Variants in FAM135A observed in about 807,000 individuals in gnomAD.
The protein encoded by FAM135A is protein FAM135A.
In FAM135A, 79 loss-of-function variants were observed where a neutral mutation model predicts 146.8. The observed-to-expected ratio is 0.54, with a 90% CI of 0.45 to 0.65. The LOEUF is 0.65. Among genes scored for constraint, FAM135A ranks in the 30% least tolerant of loss-of-function variants. The probability of loss-of-function intolerance (pLI) is 0.00; values close to 1 mark genes in which losing one functional copy is unlikely to be tolerated. For synonymous variants in FAM135A, 562 were observed against 603.6 expected (o/e 0.93, Z 1.01); for missense variants, 1,623 against 1,758.2 (o/e 0.92, Z 1.38).
intron 16 of FAM135A, among the ~76,000 whole-genome samples, chr6:70,531,360 C>CT (rs1282233175): frequency 6.6e-6 from 1 of 152,198 alleles, no homozygotes; most frequent in Non-Finnish European, 1.5e-5. Context: ...CAAGATGATA[C>CT]TGGTAAAGCC....
intron 10 of FAM135A, among the ~76,000 whole-genome samples, chr6:70,488,730 T>C (rs1215883606): frequency 1.3e-5 from 2 of 152,118 alleles, no homozygotes; most frequent in Admixed American, 1.3e-4. Context: ...TCATGACATA[T>C]TCATCTTTCT....
chr6:70,465,372 C>G (rs1355073360), intron 5 of FAM135A, among the ~76,000 whole-genome samples: 1 of 152,110 alleles, frequency 6.6e-6, no homozygotes, highest in African/African-American at 2.4e-5. Flanking sequence ...ATCAGTTCTT[C>G]TGGATAAATA....
At chr6:70,548,449 C>T (rs1392211897) in intron 20 of FAM135A, among the ~76,000 whole-genome samples, 1 of 152,082 alleles carries the variant, frequency 6.6e-6, no homozygotes, top group Non-Finnish European at 1.5e-5. Flanking sequence ...ATCATGGAAT[C>T]TGAGAGTGAA....
At chr6:70,449,672 C>G (rs952478598) in intron 4 of FAM135A, among the ~76,000 whole-genome samples, 1 of 152,026 alleles carries the variant, frequency 6.6e-6, no homozygotes, top group African/African-American at 2.4e-5. Flanking sequence ...TTGATAAACA[C>G]TAAGGTTGCT....
At chr6:70,483,303 A>G (rs151225976) in intron 10 of FAM135A, among the ~76,000 whole-genome samples, 1 of 152,330 alleles carries the variant, frequency 6.6e-6, no homozygotes, top group Non-Finnish European at 1.5e-5. Flanking sequence ...TTGACTGTTT[A>G]GAATTCTTGA....
rs1005804023 is a variant in FAM135A at position 70,453,433 on chromosome 6, C to CT, written c.157+865dup. On this transcript the variant is annotated intron_variant, in intron 5 of 21. Coordinates refer to ENST00000418814, the MANE Select transcript of FAM135A (RefSeq NM_001162529.3). ...TTTATTTTTATTTTTTATTATTATA[C>CT]TTTAAGTTCTAGGATACATGTGCAC... is the stretch of plus-strand genomic sequence containing the variant. Among the ~76,000 whole-genome samples the CT allele has an allele frequency of 2.8e-3, 433 of 152,014 alleles. 3 individuals carry two copies. Among genetic ancestry groups the CT allele is most frequent in the African/African-American group, 9.6e-3 (397 of 41,470 alleles).
chr6:70,547,783 T>C (rs898878535), intron 20 of FAM135A, among the ~76,000 whole-genome samples: 1 of 152,238 alleles, frequency 6.6e-6, no homozygotes, highest in African/African-American at 2.4e-5. Flanking sequence ...CATGTTATTA[T>C]ATAGTCCAGA....
intron 10 of FAM135A, among the ~76,000 whole-genome samples, chr6:70,490,028 G>A (rs1182493281): frequency 6.6e-6 from 1 of 152,104 alleles, no homozygotes; most frequent in African/African-American, 2.4e-5. Flanking sequence ...CAATTATACT[G>A]TGGTTGTGTT....
chr6:70,460,740 G>A (rs1442433297), intron 5 of FAM135A, among the ~76,000 whole-genome samples: 1 of 151,980 alleles, frequency 6.6e-6, no homozygotes, highest in East Asian at 1.9e-4. Flanking sequence ...CCAAGAGCAA[G>A]AAGGAAGAAT....
intron 21 of FAM135A, chr6:70,557,191 C>G (rs1284848906): frequency 7.3e-5 from 29 of 399,630 alleles, no homozygotes; most frequent in Non-Finnish European, 7.5e-5. Flanking sequence ...CGCTTTTACG[C>G]AAAGGTGGCA....
At chr6:70,457,673 A>G (rs1778626503) in intron 5 of FAM135A, among the ~76,000 whole-genome samples, 1 of 152,188 alleles carries the variant, frequency 6.6e-6, no homozygotes, top group Admixed American at 6.5e-5. Context: ...ACTATTCTTC[A>G]TCAACTAAAT....
At chr6:70,431,961 T>A (rs1391416730) in intron 4 of FAM135A, among the ~76,000 whole-genome samples, 1 of 152,072 alleles carries the variant, frequency 6.6e-6, no homozygotes, top group East Asian at 1.9e-4. Context: ...AATATCAACA[T>A]GTAAAATTGT....
rs1174927909 is a variant in FAM135A at position 70,516,530 on chromosome 6, CTTTTTTTTT to C, written c.1030-5968_1030-5960del. Among the ~76,000 whole-genome samples the C allele has an allele frequency of 1.6e-4, 14 of 84,942 alleles. No homozygotes were observed. In the South Asian group the frequency reaches 3.5e-3, roughly 21 times the overall value. 55.7% of individuals were successfully genotyped at this position (84,942 alleles called of 152,430 possible). A position where few individuals can be genotyped will look rare whatever the true frequency, so the allele number is the denominator to read the frequency against. On this transcript the variant is annotated intron_variant, in intron 12 of 21. Coordinates refer to ENST00000418814, the MANE Select transcript of FAM135A (RefSeq NM_001162529.3). ...ATATCATAAAATAGTATTTTCTTTT[CTTTTTTTTT>C]TTTTTTTTTTTTTTGAGACAGAGTC... is the stretch of plus-strand genomic sequence containing the variant.
At position 70,475,443 on chromosome 6, in the gene FAM135A, A is replaced by G; in HGVS notation, c.191A>G (p.Asp64Gly). The change falls in exon 6 of 22, where the codon GAT becomes GGT. Residue 64 changes from aspartate (D) to glycine (G), a missense_variant. By Grantham distance (94) the Asp-to-Gly change is moderately conservative (BLOSUM62 -1). Coordinates refer to ENST00000418814, the MANE Select transcript of FAM135A (RefSeq NM_001162529.3). ...MTLAFPASVH[D>G]SLICSKTFQI... is the part of the protein sequence containing the mutation. The stretch of plus-strand genomic sequence containing the variant: ...TTAGCCTTTCCAGCCTCAGTTCATG[A>G]TTCTCTAATTTGCAGTAAAACATTT... The G allele has an allele frequency of 1.9e-6, 3 of 1,601,694 alleles. No individual in the cohort carries two copies. The highest frequency in any genetic ancestry group is 1.7e-5 in the Admixed American group (1 of 58,280).
intron 5 of FAM135A, among the ~76,000 whole-genome samples, chr6:70,459,828 G>A (rs1231361389): frequency 6.6e-6 from 1 of 152,140 alleles, no homozygotes; most frequent in Non-Finnish European, 1.5e-5. Context: ...AGGAGTTCGA[G>A]ACAAGCCTGA....
intron 16 of FAM135A, among the ~76,000 whole-genome samples, chr6:70,531,106 A>T (rs1795721519): frequency 6.6e-6 from 1 of 152,230 alleles, no homozygotes; most frequent in Admixed American, 6.5e-5. Flanking sequence ...GTCATGATGG[A>T]GAAGGACTCT....
chr6:70,556,583 T>C, intron 20 of FAM135A, 167 bp from the exon 21 acceptor site: 1 of 523,320 alleles, frequency 1.9e-6, no homozygotes, highest in South Asian at 3.2e-5. Flanking sequence ...GTGGGTTTTT[T>C]TGTAGAGAAC....
chr6:70,463,179 T>G (rs1316836958), intron 5 of FAM135A, among the ~76,000 whole-genome samples: 1 of 152,224 alleles, frequency 6.6e-6, no homozygotes, highest in African/African-American at 2.4e-5. Context: ...CTCTTCTCCT[T>G]ATTACCTCCT....
chr6:70,455,879 G>A (rs1778258943), intron 5 of FAM135A, among the ~76,000 whole-genome samples: 2 of 152,066 alleles, frequency 1.3e-5, no homozygotes, highest in African/African-American at 4.8e-5. Context: ...TTGAAGCGGA[G>A]TCTTGCCCTA....
Sources: allele counts gnomAD v4.1 joint callset (sites outside exome capture counted in the v4.1 genomes callset), GRCh38; gene constraint gnomAD v4.1.1; transcripts MANE v1.5; gene names NCBI Gene and HGNC (gene_info 2026-07-23, HGNC 2026-07-21).